The following AMPH variants were observed in gnomAD, a reference collection of about 807,000 sequenced individuals.
AMPH encodes the protein amphiphysin.
Under a neutral mutation model 99.1 loss-of-function variants are expected in AMPH, and 49 were observed. That is an observed-to-expected ratio of 0.49 (90% CI 0.39 to 0.63). AMPH has a LOEUF of 0.63. Ranked by LOEUF, AMPH falls within the 20% of genes least tolerant of loss-of-function variation. The probability of loss-of-function intolerance (pLI) is 0.00; values close to 1 mark genes in which losing one functional copy is unlikely to be tolerated. For synonymous variants in AMPH, 314 were observed against 317.3 expected, an observed-to-expected ratio of 0.99 and a Z score of 0.11; for missense variants, 759 against 863.4, an observed-to-expected ratio of 0.88 and a Z score of 1.52.
At chr7:38,514,521 G>T (rs1789662461) in intron 2 of AMPH, among the ~76,000 whole-genome samples, 1 of 152,224 alleles carries the variant, frequency 6.6e-6, no homozygotes, top group Non-Finnish European at 1.5e-5. Flanking sequence ...AATTGCCGTT[G>T]TAACAGTGTT....
At chr7:38,446,307 T>C (rs1786777558) in intron 11 of AMPH, among the ~76,000 whole-genome samples, 1 of 152,218 alleles carries the variant, frequency 6.6e-6, no homozygotes. Context: ...AGTTTATCCC[T>C]AGGTATTCGC....
intron 1 of AMPH, among the ~76,000 whole-genome samples, chr7:38,619,221 A>G (rs1227338261): frequency 6.6e-6 from 1 of 152,178 alleles, no homozygotes; most frequent in African/African-American, 2.4e-5. Context: ...TCATGCAAAT[A>G]TTATAGTAAC....
At position 38,462,153 on chromosome 7, in the gene AMPH, C is replaced by A. The variant is rs144145926; in HGVS notation, c.889-742G>T. On this transcript the variant is annotated intron_variant, in intron 10 of 20. Coordinates refer to ENST00000356264, the MANE Select transcript of AMPH (RefSeq NM_001635.4). Reference sequence around the variant, plus strand: ...AGTAAATTACACAAGATATTCAACACGGTTATAAAATAGGCTTTGTGTTAC... The same window carrying A: ...AGTAAATTACACAAGATATTCAACAAGGTTATAAAATAGGCTTTGTGTTAC... Among the ~76,000 whole-genome samples the A allele has an allele frequency of 2.0e-5, 3 of 152,152 alleles. No homozygotes were observed. The South Asian group carries it at 6.2e-4, about 32-fold the overall frequency.
chr7:38,406,231 T>A (rs1285626747), intron 17 of AMPH, among the ~76,000 whole-genome samples: 1 of 152,112 alleles, frequency 6.6e-6, no homozygotes, highest in Non-Finnish European at 1.5e-5. Context: ...AAGAGGAAAG[T>A]TTATACTGTT....
At chr7:38,597,634 G>C (rs1793106372) in intron 1 of AMPH, among the ~76,000 whole-genome samples, 4 of 151,800 alleles carry the variant, frequency 2.6e-5, no homozygotes, top group Admixed American at 2.6e-4. Flanking sequence ...CACAAGCAGA[G>C]GCAAAAATTA....
chr7:38,432,162 G>GA (rs762185622), intron 13 of AMPH, 27 bp downstream of exon 13: 1 of 1,604,478 alleles, frequency 6.2e-7, no homozygotes, highest in South Asian at 1.1e-5. Context: ...CAAGATACAT[G>GA]AAAAAACAGA....
At chr7:38,533,710 T>C (rs896504398) in intron 2 of AMPH, among the ~76,000 whole-genome samples, 1 of 152,176 alleles carries the variant, frequency 6.6e-6, no homozygotes, top group African/African-American at 2.4e-5. Flanking sequence ...GTAACTCCAC[T>C]GACAGCAGGA....
intron 1 of AMPH, among the ~76,000 whole-genome samples, chr7:38,617,773 C>A (rs1793927005): frequency 6.6e-6 from 1 of 151,744 alleles, no homozygotes; most frequent in Non-Finnish European, 1.5e-5. Context: ...TACAGGCACC[C>A]AGAAAAAAGT....
At chr7:38,494,258 C>T (rs1173014791) in intron 4 of AMPH, among the ~76,000 whole-genome samples, 175 bp downstream of exon 4, 1 of 152,190 alleles carries the variant, frequency 6.6e-6, no homozygotes, top group Non-Finnish European at 1.5e-5. Context: ...CGCACCTGGC[C>T]CATCTTCACT....
chr7:38,421,594 T>A (rs1785582785), intron 16 of AMPH, among the ~76,000 whole-genome samples: 1 of 152,178 alleles, frequency 6.6e-6, no homozygotes, highest in Non-Finnish European at 1.5e-5. Context: ...CAGAAGAGAA[T>A]TCCTTACTTA....
intron 7 of AMPH, 106 bp downstream of exon 7, chr7:38,475,225 G>A (rs953849130): frequency 2.7e-6 from 2 of 737,964 alleles, no homozygotes; most frequent in African/African-American, 3.5e-5. Context: ...CACTTTCACT[G>A]GACAGTGTTG....
In AMPH at chr7:38,482,421, A is replaced by C. The variant is rs553021316; in HGVS notation, c.397-5452T>G. ...CCTCAATAAAAGAATTGCTCAAGGA[A>C]AAGTTATATTGAGCTCTTCATCTTT... On this transcript the variant is annotated intron_variant, in intron 5 of 20. Coordinates refer to ENST00000356264, the MANE Select transcript of AMPH (RefSeq NM_001635.4). 2.6e-5 allele frequency among the ~76,000 whole-genome samples: 4 copies of C among 152,298 alleles called. No homozygotes were observed. The East Asian group carries it at 7.7e-4, about 29-fold the overall frequency.
chr7:38,494,148 G>T (rs888856570), intron 4 of AMPH, among the ~76,000 whole-genome samples: 3 of 152,078 alleles, frequency 2.0e-5, no homozygotes, highest in African/African-American at 7.2e-5. Context: ...TAGTGGAGAC[G>T]AGGTTTCACT....
At chr7:38,583,961 G>A (rs1792556744) in intron 1 of AMPH, among the ~76,000 whole-genome samples, 1 of 152,232 alleles carries the variant, frequency 6.6e-6, no homozygotes. Flanking sequence ...GACAGGGTTA[G>A]AGAGAGACAG....
At chr7:38,444,135 C>A (rs111380555) in intron 11 of AMPH, among the ~76,000 whole-genome samples, 8 of 152,108 alleles carry the variant, frequency 5.3e-5, no homozygotes, top group African/African-American at 1.9e-4. Flanking sequence ...TGTATAATGT[C>A]TGTACATTGC....
At chr7:38,483,579 G>A (rs560051982) in intron 5 of AMPH, among the ~76,000 whole-genome samples, 2 of 152,104 alleles carry the variant, frequency 1.3e-5, no homozygotes, top group African/African-American at 4.8e-5. Flanking sequence ...TAGATGCCTA[G>A]GGGGTGCTAA....
At chr7:38,427,740 G>C (rs1213235638) in intron 14 of AMPH, 6 of 365,622 alleles carry the variant, frequency 1.6e-5, no homozygotes, top group Non-Finnish European at 3.2e-5. Context: ...AGGCCTCCTA[G>C]AAGATAGTGA....
At chr7:38,566,173 C>T (rs1302786650) in intron 1 of AMPH, among the ~76,000 whole-genome samples, 1 of 152,106 alleles carries the variant, frequency 6.6e-6, no homozygotes, top group Non-Finnish European at 1.5e-5. Context: ...TTCTTAACTG[C>T]TATGACCAAA....
Position 38,384,731 on chromosome 7 carries a change from G to T in AMPH, c.*87C>A. Reference sequence around the variant, plus strand: ...CTGGCATCAGTCTGTAAATCATTAAGAGCATAATAACAAAAGTGAACTCTT... The same window carrying T: ...CTGGCATCAGTCTGTAAATCATTAATAGCATAATAACAAAAGTGAACTCTT... On this transcript the variant is annotated 3_prime_UTR_variant, in exon 21 of 21. Transcript: ENST00000356264. 2 of 1,090,266 alleles carry T rather than the reference G, an allele frequency of 1.8e-6. No individual in the cohort carries two copies. The highest frequency in any genetic ancestry group is 1.4e-5 in the South Asian group (1 of 73,694). 67.5% of individuals were successfully genotyped at this position (1,090,266 alleles called of 1,614,324 possible). A position where few individuals can be genotyped will look rare whatever the true frequency, so the allele number is the denominator to read the frequency against.
Sources: allele counts gnomAD v4.1 joint callset (sites outside exome capture counted in the v4.1 genomes callset), GRCh38; gene constraint gnomAD v4.1.1; transcripts MANE v1.5; gene names NCBI Gene and HGNC (gene_info 2026-07-23, HGNC 2026-07-21).